Variants in TRDN observed in about 807,000 individuals in gnomAD.
TRDN encodes the protein triadin, also known as triadin in skeletal muscle.
TRDN carries 161 observed loss-of-function variants against 149.7 expected under a neutral mutation model. That is an observed-to-expected ratio of 1.08 (90% CI 0.95 to 1.23). The LOEUF is 1.23. Ranked by LOEUF, TRDN falls within the 50% of genes most tolerant of loss-of-function variation. The pLI is 0.00. For missense variants in TRDN, 896 were observed against 823.5 expected (o/e 1.09, Z -1.08); for synonymous variants, 294 against 250.5 (o/e 1.17, Z -1.64).
At chr6:123,445,523 T>A (rs529460597) in intron 10 of TRDN, among the ~76,000 whole-genome samples, 2 of 101,884 alleles carry the variant, frequency 2.0e-5, no homozygotes, top group African/African-American at 9.5e-5. Flanking sequence ...TACAATGAAC[T>A]CAAACAAATT....
At position 123,446,118 on chromosome 6, in the gene TRDN, C is replaced by T. The variant is rs549118144; in HGVS notation, c.932-7115G>A. On this transcript the variant is annotated intron_variant, in intron 10 of 40. Coordinates refer to ENST00000334268, the MANE Select transcript of TRDN (RefSeq NM_006073.4). ...GGATGAAATTGGAAATCATCATTCT[C>T]AGTAAACTATCACAAGAACAAAAAA... Among the ~76,000 whole-genome samples the T allele has an allele frequency of 1.6e-3, 235 of 151,524 alleles. 1 individual carries two copies. The highest frequency in any genetic ancestry group is 3.4e-3 in the Middle Eastern group (1 of 294).
In TRDN at chr6:123,417,594, T is replaced by A. The variant is rs967194733; in HGVS notation, c.1051+20469A>T. ...GAGAAGAGAAAAGAGGTTTCTTTTTTCCTCATTCCCCCACGTATCCTTGCC... is the reference window on the plus strand; with the variant it reads ...GAGAAGAGAAAAGAGGTTTCTTTTTACCTCATTCCCCCACGTATCCTTGCC... On this transcript the variant is annotated intron_variant, in intron 12 of 40. Coordinates refer to ENST00000334268, the MANE Select transcript of TRDN (RefSeq NM_006073.4). Among the ~76,000 whole-genome samples the A allele has an allele frequency of 2.2e-4, 33 of 152,212 alleles. 1 individual carries two copies. Among genetic ancestry groups the A allele is most frequent in the Non-Finnish European group, 2.9e-5 (2 of 68,038 alleles).
At chr6:123,513,290 A>G (rs1209957053) in intron 6 of TRDN, among the ~76,000 whole-genome samples, 1 of 152,218 alleles carries the variant, frequency 6.6e-6, no homozygotes, top group East Asian at 1.9e-4. Context: ...GGACTACATT[A>G]TAATAACATA....
At chr6:123,315,778 T>C (rs954434029) in intron 24 of TRDN, among the ~76,000 whole-genome samples, 1 of 151,980 alleles carries the variant, frequency 6.6e-6, no homozygotes, top group Non-Finnish European at 1.5e-5. Context: ...CTTCCTTTTC[T>C]ACATTTTCCC....
intron 24 of TRDN, among the ~76,000 whole-genome samples, chr6:123,312,939 T>C (rs755164721): frequency 1.3e-5 from 2 of 152,032 alleles, no homozygotes; most frequent in Non-Finnish European, 2.9e-5. Context: ...GCATAATATA[T>C]GTTTTCAATA....
At chr6:123,504,889 T>C (rs1778848872) in intron 7 of TRDN, among the ~76,000 whole-genome samples, 1 of 152,134 alleles carries the variant, frequency 6.6e-6, no homozygotes, top group South Asian at 2.1e-4. Context: ...TCTACTGCAA[T>C]GTTGGAATCC....
rs567633062 is a variant in TRDN, at chr6:123,528,334, G to A, written c.484+2172C>T. 1.7e-3 allele frequency among the ~76,000 whole-genome samples: 249 copies of A among 150,626 alleles called. 2 individuals are homozygous for A. The highest frequency in any genetic ancestry group is 2.4e-3 in the Non-Finnish European group (165 of 67,600). The stretch of plus-strand genomic sequence containing the variant: ...AGGTGTAGACTCCCAAGGCTCTCCC[G>A]ATGAGTTCCATGCTTCTAAAACCTT... On this transcript the variant is annotated intron_variant, in intron 5 of 40. Transcript: ENST00000334268.
At chr6:123,289,878 G>A (rs993422186) in intron 24 of TRDN, among the ~76,000 whole-genome samples, 1 of 151,968 alleles carries the variant, frequency 6.6e-6, no homozygotes, top group African/African-American at 2.4e-5. Flanking sequence ...TGAGCAAGAG[G>A]GCCATTGACA....
chr6:123,524,924 C>A (rs1165822890), intron 5 of TRDN, among the ~76,000 whole-genome samples: 2 of 152,046 alleles, frequency 1.3e-5, no homozygotes, highest in Non-Finnish European at 2.9e-5. Context: ...TCTTTAAATA[C>A]TTTTATCTTT....
chr6:123,561,434 C>T (rs1399098030), intron 2 of TRDN, among the ~76,000 whole-genome samples: 1 of 152,144 alleles, frequency 6.6e-6, no homozygotes, highest in Non-Finnish European at 1.5e-5. Flanking sequence ...CTACAGGGTA[C>T]AGCCCATTTG....
At chr6:123,595,164 T>C (rs956212670) in intron 1 of TRDN, among the ~76,000 whole-genome samples, 2 of 152,142 alleles carry the variant, frequency 1.3e-5, no homozygotes, top group Admixed American at 6.6e-5. Context: ...ATCTATAACA[T>C]CTAAGTCTTA....
At chr6:123,520,285 T>C (rs1009151729) in intron 5 of TRDN, among the ~76,000 whole-genome samples, 5 of 152,174 alleles carry the variant, frequency 3.3e-5, no homozygotes, top group African/African-American at 1.2e-4. Flanking sequence ...AATATAAGCA[T>C]GCAATTTCAG....
At chr6:123,575,262 C>T (rs73539149) in intron 1 of TRDN, among the ~76,000 whole-genome samples, 8,929 of 151,882 alleles carry the variant, frequency 0.059, 355 homozygotes, top group African/African-American at 0.093. Flanking sequence ...ATGTGTTGCC[C>T]TTGTTATGAA....
intron 30 of TRDN, among the ~76,000 whole-genome samples, chr6:123,270,625 A>G (rs1022532003): frequency 2.0e-5 from 3 of 151,940 alleles, no homozygotes; most frequent in African/African-American, 7.2e-5. Context: ...TTTCTTTCTC[A>G]TATGAACTAA....
chr6:123,513,287 A>C (rs1303720942), intron 6 of TRDN, among the ~76,000 whole-genome samples: 4 of 152,224 alleles, frequency 2.6e-5, no homozygotes, highest in African/African-American at 9.6e-5. Flanking sequence ...ACAGGACTAC[A>C]TTATAATAAC....
chr6:123,388,991 CA>C (rs1206513133), intron 13 of TRDN, among the ~76,000 whole-genome samples: 39 of 152,180 alleles, frequency 2.6e-4, no homozygotes, highest in Admixed American at 2.3e-3. Context: ...TCTACATTTG[CA>C]CTTATAATAA....
rs532678835 is a variant in TRDN, at chr6:123,609,488, GTTAT to G, written c.22+27262_22+27265del. On this transcript the variant is annotated intron_variant, in intron 1 of 40. Transcript: ENST00000334268. ...TCTTACTTTTATAACTCAAGCATAT[GTTAT>G]TTGTGTATTTATAAAAAAAGAAATC... Among the ~76,000 whole-genome samples the G allele has an allele frequency of 2.7e-4, 41 of 152,088 alleles. 1 individual carries two copies. The East Asian group carries it at 7.5e-3, about 28-fold the overall frequency.
At chr6:123,422,946 G>A (rs1773971810) in intron 12 of TRDN, among the ~76,000 whole-genome samples, 4 of 152,082 alleles carry the variant, frequency 2.6e-5, no homozygotes, top group Admixed American at 1.3e-4. Flanking sequence ...GTAAAAAGGT[G>A]TAACAGGAAT....
At chr6:123,291,349 G>A (rs1354547082) in intron 24 of TRDN, among the ~76,000 whole-genome samples, 1 of 152,032 alleles carries the variant, frequency 6.6e-6, no homozygotes, top group East Asian at 1.9e-4. Flanking sequence ...TGGATCAGGA[G>A]GTCAGGTGAT....
Sources: gnomAD v4.1 joint callset for allele counts (sites outside exome capture counted in the v4.1 genomes callset) on GRCh38, gnomAD v4.1.1 for gene constraint, MANE v1.5 for transcripts, NCBI Gene and HGNC (gene_info 2026-07-23, HGNC 2026-07-21) for gene names.